The following BCKDHB variants were observed in gnomAD, a reference collection of about 807,000 sequenced individuals.
BCKDHB encodes 2-oxoisovalerate dehydrogenase subunit beta, mitochondrial.
BCKDHB carries 41 observed loss-of-function variants against 48.5 expected under a neutral mutation model. The ratio of observed to expected loss-of-function variants is 0.85; its 90% confidence interval spans 0.66 to 1.10. The LOEUF (loss-of-function observed/expected upper bound fraction) is 1.10. BCKDHB is among the 50% of genes least tolerant of loss of function. BCKDHB has a pLI of 0.00. For missense variants in BCKDHB, 496 were observed against 494.2 expected (o/e 1.00, Z -0.03); for synonymous variants, 201 against 174.8 (o/e 1.15, Z -1.18).
chr6:80,281,326 G>A (rs1400737083), intron 9 of BCKDHB, among the ~76,000 whole-genome samples: 1 of 152,136 alleles, frequency 6.6e-6, no homozygotes, highest in Non-Finnish European at 1.5e-5. Context: ...GTGAGAGGGA[G>A]TGGCTTCAGA....
In BCKDHB at chr6:80,106,878, C is replaced by T. The variant is rs564438382; in HGVS notation, c.185C>T (p.Pro62Leu). 1 of 1,606,868 alleles carries T rather than the reference C, an allele frequency of 6.2e-7. No individual in the cohort carries two copies. Among genetic ancestry groups the T allele is most frequent in the Admixed American group, 1.7e-5 (1 of 59,440 alleles). Residue 62 changes from proline (P) to leucine (L), a missense_variant, in exon 1 of 10, where the codon CCC becomes CTC. Pro to Leu is a moderately conservative substitution (Grantham distance 98). Coordinates refer to ENST00000320393, the MANE Select transcript of BCKDHB (RefSeq NM_183050.4). ...TTTACTTTCCAGCCAGATCCGGAGCCCCGGGAGTACGGTGAGCCCTGGGAC... is the reference window on the plus strand; with the variant it reads ...TTTACTTTCCAGCCAGATCCGGAGCTCCGGGAGTACGGTGAGCCCTGGGAC... Reference protein sequence around the residue: ...AHFTFQPDPEPREYGQTQKMN... With the variant: ...AHFTFQPDPELREYGQTQKMN...
intron 8 of BCKDHB, among the ~76,000 whole-genome samples, chr6:80,224,699 C>A (rs1775606689): frequency 6.6e-6 from 1 of 152,100 alleles, no homozygotes; most frequent in Non-Finnish European, 1.5e-5. Context: ...TGTGCCAGAC[C>A]CCCAAAAAGA....
chr6:80,144,254 T>C (rs544582898), intron 3 of BCKDHB, among the ~76,000 whole-genome samples: 5 of 152,300 alleles, frequency 3.3e-5, no homozygotes, highest in Admixed American at 3.3e-4. Context: ...AAACTTATCG[T>C]GTTCTTAACA....
At chr6:80,338,285 G>A (rs1160323699) in intron 9 of BCKDHB, among the ~76,000 whole-genome samples, 1 of 152,198 alleles carries the variant, frequency 6.6e-6, no homozygotes, top group African/African-American at 2.4e-5. Flanking sequence ...ATTACATCCA[G>A]TTGTCTATTG....
chr6:80,312,143 C>T (rs1246185600), intron 9 of BCKDHB, among the ~76,000 whole-genome samples: 5 of 152,120 alleles, frequency 3.3e-5, no homozygotes, highest in African/African-American at 1.2e-4. Context: ...CCTTCACTTC[C>T]CTTATTAGCT....
chr6:80,298,458 G>T (rs1007083912), intron 9 of BCKDHB, among the ~76,000 whole-genome samples: 1 of 152,206 alleles, frequency 6.6e-6, no homozygotes, highest in African/African-American at 2.4e-5. Flanking sequence ...TGGCCAATAT[G>T]TCTGGCTTTT....
the BCKDHB span, among the ~76,000 whole-genome samples, chr6:80,430,757 T>G: frequency 6.6e-6 from 1 of 152,198 alleles, no homozygotes; most frequent in Non-Finnish European, 1.5e-5. Context: ...TTGTTGATCT[T>G]TTCCAAAAAC....
intron 9 of BCKDHB, among the ~76,000 whole-genome samples, chr6:80,278,584 G>A (rs191503053): frequency 7.8e-4 from 119 of 151,606 alleles, no homozygotes; most frequent in Non-Finnish European, 1.5e-3. Context: ...TTTTGAGAGG[G>A]AGTCTCGCTC....
chr6:80,111,640 T>C (rs1490744402), intron 1 of BCKDHB, among the ~76,000 whole-genome samples: 1 of 152,100 alleles, frequency 6.6e-6, no homozygotes, highest in Non-Finnish European at 1.5e-5. Context: ...TCCAAATAAA[T>C]AGAACACATG....
intron 9 of BCKDHB, among the ~76,000 whole-genome samples, chr6:80,281,765 C>T (rs1778204340): frequency 1.3e-5 from 2 of 152,086 alleles, no homozygotes; most frequent in South Asian, 4.1e-4. Context: ...TCCTCATTCT[C>T]TCCCTTCCCC....
the BCKDHB span, among the ~76,000 whole-genome samples, chr6:80,366,971 C>T: frequency 6.6e-6 from 1 of 152,198 alleles, no homozygotes; most frequent in Non-Finnish European, 1.5e-5. Context: ...TGCTAACCCC[C>T]AGCCCAGCAA....
chr6:80,398,589 G>T, the BCKDHB span, among the ~76,000 whole-genome samples: 261 of 151,746 alleles, frequency 1.7e-3, no homozygotes, highest in African/African-American at 5.9e-3. Context: ...AATAAAATCA[G>T]CAATAAATAG....
At chr6:80,231,509 G>A (rs1014367569) in intron 8 of BCKDHB, among the ~76,000 whole-genome samples, 1 of 152,042 alleles carries the variant, frequency 6.6e-6, no homozygotes, top group Non-Finnish European at 1.5e-5. Flanking sequence ...AGTAAAAACA[G>A]GGCAAAGAAC....
At chr6:80,213,528 G>T (rs577525169) in intron 8 of BCKDHB, among the ~76,000 whole-genome samples, 9 of 152,204 alleles carry the variant, frequency 5.9e-5, no homozygotes, top group Admixed American at 3.3e-4. Context: ...CACAGCCACT[G>T]TGCACTGCTT....
intron 6 of BCKDHB, among the ~76,000 whole-genome samples, chr6:80,180,181 A>G (rs1773345569): frequency 1.3e-5 from 2 of 152,204 alleles, no homozygotes; most frequent in Non-Finnish European, 2.9e-5. Context: ...CTTGAATTTT[A>G]TTTCTCCTTA....
rs544397962 is a variant in BCKDHB at position 80,281,039 on chromosome 6, T to G, written c.1038+7818T>G. 4.0e-4 allele frequency among the ~76,000 whole-genome samples: 60 copies of G among 149,314 alleles called. 1 individual carries two copies. The South Asian group carries it at 0.013, about 33-fold the overall frequency. ...GAACAGGTGTATGCGTGTGTGTGTG[T>G]GTGTGTGTGTATAAGGTAATGAGTA... On this transcript the variant is annotated intron_variant, in intron 9 of 9. Transcript: ENST00000320393.
intron 8 of BCKDHB, among the ~76,000 whole-genome samples, chr6:80,270,544 T>C (rs1258108128): frequency 2.6e-5 from 4 of 152,180 alleles, no homozygotes; most frequent in Non-Finnish European, 5.9e-5. Context: ...GTATTTTTCC[T>C]CTAGTTCTTG....
intron 8 of BCKDHB, among the ~76,000 whole-genome samples, chr6:80,263,564 A>G (rs1266330593): frequency 2.0e-5 from 3 of 152,192 alleles, no homozygotes; most frequent in Non-Finnish European, 4.4e-5. Flanking sequence ...TATGAACTAC[A>G]CATAATTTTT....
chr6:80,381,162 G>A, the BCKDHB span, among the ~76,000 whole-genome samples: 2 of 151,856 alleles, frequency 1.3e-5, no homozygotes, highest in Non-Finnish European at 2.9e-5. Context: ...GTTTAGAGAT[G>A]CCTGCATTTG....
Sources: allele counts gnomAD v4.1 joint callset (sites outside exome capture counted in the v4.1 genomes callset), GRCh38; gene constraint gnomAD v4.1.1; transcripts MANE v1.5; gene names NCBI Gene and HGNC (gene_info 2026-07-23, HGNC 2026-07-21).